The following GTPBP1 variants were observed in gnomAD, a reference collection of about 807,000 sequenced individuals.
The protein encoded by GTPBP1 is GTP-binding protein 1.
Under a neutral mutation model 62.0 loss-of-function variants are expected in GTPBP1, and 23 were observed. That is an observed-to-expected ratio of 0.37 (90% CI 0.27 to 0.53). GTPBP1 has a LOEUF of 0.53. Ranked by LOEUF, GTPBP1 falls within the 20% of genes least tolerant of loss-of-function variation. The pLI, the probability that GTPBP1 is intolerant of heterozygous loss-of-function variation, is 0.89. For synonymous variants in GTPBP1, 344 were observed against 364.4 expected (o/e 0.94, Z 0.64); for missense variants, 640 against 917.3 (o/e 0.70, Z 3.90).
chr22:38,741,239 T>G (rs1457530360), downstream of GTPBP1, among the ~76,000 whole-genome samples: 1 of 150,470 alleles, frequency 6.6e-6, no homozygotes, highest in East Asian at 1.9e-4. Context: ...TCTGACACAC[T>G]GAGGTATCTG....
In GTPBP1 at chr22:38,730,132, T is replaced by A. The variant is rs2092749127; in HGVS notation, c.1917+470T>A. 6.6e-6 allele frequency among the ~76,000 whole-genome samples: 1 copy of A among 152,060 alleles called. No homozygotes were observed. The highest frequency in any genetic ancestry group is 1.5e-5 in the Non-Finnish European group (1 of 67,986). On this transcript the variant is annotated intron_variant, in intron 11 of 11. Coordinates refer to ENST00000216044, the MANE Select transcript of GTPBP1 (RefSeq NM_004286.5). This position sits in a 1 kb window ranked among gnomAD's most constrained non-coding sequence, Gnocchi z 5.6. ...GTGCCAGTGCGCCTCTTACTCGGCATCTCCTGCCAGCTGTCTCCCACAGGC... is the reference window on the plus strand; with the variant it reads ...GTGCCAGTGCGCCTCTTACTCGGCAACTCCTGCCAGCTGTCTCCCACAGGC...
At chr22:38,714,927 G>A (rs1049377154) in intron 2 of GTPBP1, among the ~76,000 whole-genome samples, 2 of 152,082 alleles carry the variant, frequency 1.3e-5, no homozygotes, top group African/African-American at 4.8e-5. Context: ...CTGTTTGGTC[G>A]GTTGGTCCTG....
Position 38,726,463 on chromosome 22 carries a change from G to T in GTPBP1, c.1401+23G>T. 6 of 1,597,872 alleles carry T rather than the reference G, an allele frequency of 3.8e-6. No individual in the cohort carries two copies. The Middle Eastern group carries it at 6.5e-4, about 173-fold the overall frequency. ...AAGGTGAGTAGCGATGATACTGAACGCTCCCCTCAGACTCCATCATGCTAG... is the reference window on the plus strand; with the variant it reads ...AAGGTGAGTAGCGATGATACTGAACTCTCCCCTCAGACTCCATCATGCTAG... On this transcript the variant is annotated intron_variant, in intron 8 of 11. Coordinates refer to ENST00000216044, the MANE Select transcript of GTPBP1 (RefSeq NM_004286.5). This position sits in a 1 kb window ranked among gnomAD's most constrained non-coding sequence, Gnocchi z 4.1.
chr22:38,715,923 G>A lies in GTPBP1; in HGVS notation c.321G>A (p.Gly107=), dbSNP rs749511311. Residue 107 remains glycine, a synonymous_variant, in exon 3 of 12, where the codon GGG becomes GGA. Coordinates refer to ENST00000216044, the MANE Select transcript of GTPBP1 (RefSeq NM_004286.5). ...TGTCACCAGATGGGACTGAGTATGG[G>A]CTGAGTGAAGCTGACATGGAGGCCT... ...IGQGSDGTEY[G]LSEADMEASY... 9 of 1,613,630 alleles carry A rather than the reference G, an allele frequency of 5.6e-6. No homozygotes were observed. The highest frequency in any genetic ancestry group is 7.6e-6 in the Non-Finnish European group (9 of 1,179,770).
At chr22:38,740,663 AAT>A, downstream of GTPBP1, 1 of 572,136 alleles carries the variant, frequency 1.7e-6, no homozygotes, top group South Asian at 2.4e-5. The surrounding 1 kb of genome is among the most constrained non-coding windows in gnomAD (Gnocchi z 4.8). Context: ...CAGAGTCCAG[AAT>A]GTACTCTGCC....
rs562217306 is a variant in GTPBP1, at chr22:38,710,579, C to A, written c.304+1623C>A. Among the ~76,000 whole-genome samples, 3 of 152,058 alleles carry A rather than the reference C, an allele frequency of 2.0e-5. No individual in the cohort carries two copies. The East Asian group carries it at 5.8e-4, about 29-fold the overall frequency. On this transcript the variant is annotated intron_variant, in intron 2 of 11. Transcript: ENST00000216044. ...TCAAGAAAGGGAGAGAGTTGATTAG[C>A]ATTATCAAGTGCTACAGAGGCAGCA...
At chr22:38,739,952 A>T (rs1475516281), downstream of GTPBP1, 2 of 1,608,130 alleles carry the variant, frequency 1.2e-6, no homozygotes, top group African/African-American at 2.7e-5. This position sits in a 1 kb window ranked among gnomAD's most constrained non-coding sequence, Gnocchi z 6.7. Flanking sequence ...ACCTATAGGA[A>T]CCCAAAGGGG....
chr22:38,740,841 C>T, downstream of GTPBP1: 1 of 730,344 alleles, frequency 1.4e-6, no homozygotes, highest in South Asian at 1.7e-5. This position sits in a 1 kb window ranked among gnomAD's most constrained non-coding sequence, Gnocchi z 4.8. Context: ...ACCTCAAAGA[C>T]AGGCCCTGGG....
At chr22:38,718,740 T>A (rs2092684219) in intron 4 of GTPBP1, among the ~76,000 whole-genome samples, 1 of 152,212 alleles carries the variant, frequency 6.6e-6, no homozygotes, top group Non-Finnish European at 1.5e-5. Flanking sequence ...AATTTTCTTC[T>A]GGTTTAGTAT....
intron 6 of GTPBP1, 130 bp downstream of exon 6, chr22:38,724,541 A>G (rs1018284180): frequency 5.1e-5 from 31 of 612,486 alleles, no homozygotes; most frequent in African/African-American, 3.9e-4. Flanking sequence ...ACCTCTCCCT[A>G]TTCAGAGATC....
intron 1 of GTPBP1, among the ~76,000 whole-genome samples, chr22:38,707,080 A>G (rs557542261): frequency 6.6e-6 from 1 of 152,238 alleles, no homozygotes. Flanking sequence ...CCTCATCTTA[A>G]GAAAGTACAG....
Position 38,727,012 on chromosome 22 carries a change from C to G in GTPBP1, c.1402-201C>G, listed in dbSNP as rs561695301. ...TCCCGCATGAAGCCTTCCTGACCCC[C>G]AGTAGTAGTGTTGAGTCTTCCCATG... On this transcript the variant is annotated intron_variant, in intron 8 of 11. Transcript: ENST00000216044. This position sits in a 1 kb window ranked among gnomAD's most constrained non-coding sequence, Gnocchi z 6.5. Among the ~76,000 whole-genome samples the G allele has an allele frequency of 6.6e-6, 1 of 152,264 alleles. No homozygotes were observed. The highest frequency in any genetic ancestry group is 2.4e-5 in the African/African-American group (1 of 41,540).
intron 2 of GTPBP1, among the ~76,000 whole-genome samples, chr22:38,709,373 C>G (rs561000895): frequency 6.6e-6 from 1 of 152,116 alleles, no homozygotes; most frequent in South Asian, 2.1e-4. Context: ...TACAGTGATT[C>G]TTTAGTGTCT....
At position 38,724,290 on chromosome 22, in the gene GTPBP1, CT is replaced by C. The variant is rs763733348; in HGVS notation, c.959-4del. ...CCCCCTAATTCTGTTCCATTGCACC[CT>C]TTAAGAAACCCTGAAGCTGTTACAG... On this transcript the variant is annotated splice_polypyrimidine_tract_variant and splice_region_variant and intron_variant, in intron 5 of 11. Coordinates refer to ENST00000216044, the MANE Select transcript of GTPBP1 (RefSeq NM_004286.5). The C allele has an allele frequency of 1.9e-6, 3 of 1,580,974 alleles. No homozygotes were observed. In the South Asian group the frequency reaches 3.3e-5, roughly 17 times the overall value.
intron 5 of GTPBP1, chr22:38,722,839 G>GGTGGGCA: frequency 6.4e-7 from 1 of 1,552,726 alleles, no homozygotes; most frequent in Non-Finnish European, 8.9e-7. Flanking sequence ...ACTTCTCCAT[G>GGTGGGCA]GGTTTCTACA....
Position 38,721,869 on chromosome 22 carries a change from A to C in GTPBP1, c.958+4A>C. On this transcript the variant is annotated splice_donor_region_variant and intron_variant, in intron 5 of 11. Transcript: ENST00000216044. ...TGTCCTGCCAACATCCTGCAAGGTAAGTGAAGCCTCCAGCTAGCAGCAGCC... is the reference window on the plus strand; with the variant it reads ...TGTCCTGCCAACATCCTGCAAGGTACGTGAAGCCTCCAGCTAGCAGCAGCC... 1 of 1,572,652 alleles carries C rather than the reference A, an allele frequency of 6.4e-7. No homozygotes were observed. The highest frequency in any genetic ancestry group is 8.7e-7 in the Non-Finnish European group (1 of 1,150,216).
chr22:38,729,082 A>C (rs948932965), intron 10 of GTPBP1: 5 of 166,540 alleles, frequency 3.0e-5, no homozygotes, highest in African/African-American at 1.2e-4. Flanking sequence ...GAGATCCCGG[A>C]GCTCCACTTG....
intron 5 of GTPBP1, 111 bp downstream of exon 5, chr22:38,721,976 A>C (rs999240600): frequency 4.1e-5 from 24 of 592,338 alleles, no homozygotes; most frequent in Middle Eastern, 5.0e-4. Context: ...TTTCTTTTTT[A>C]TTTTTATTTT....
At position 38,728,045 on chromosome 22, in the gene GTPBP1, A is replaced by G; in HGVS notation, c.1600A>G (p.Thr534Ala). Residue 534 changes from threonine (T) to alanine (A), a missense_variant, in exon 10 of 12, where the codon ACT (threonine) becomes GCT (alanine). Physicochemically the swap from Thr to Ala is moderately conservative, Grantham distance 58 (BLOSUM62 0). This residue lies in a region of GTPBP1 where 220 missense variants were observed against 358.1 expected (regional missense o/e 0.61). Coordinates refer to ENST00000216044, the MANE Select transcript of GTPBP1 (RefSeq NM_004286.5). ...GAGCATGGACAAGGACTGTCTGCGC[A>G]CTGGGGACAAGGCCACTGTACACTT... is the stretch of plus-strand genomic sequence containing the variant. ...ILSMDKDCLR[T>A]GDKATVHFRF... 1 of 1,613,308 alleles carries G rather than the reference A, an allele frequency of 6.2e-7. No homozygotes were observed. Among genetic ancestry groups the G allele is most frequent in the Non-Finnish European group, 8.5e-7 (1 of 1,179,242 alleles).
Sources: gnomAD v4.1 joint callset for allele counts (sites outside exome capture counted in the v4.1 genomes callset) on GRCh38, gnomAD v4.1.1 for gene constraint, gnomAD v4.1.1 regional missense constraint, Gnocchi (gnomAD v3.1) non-coding constraint, MANE v1.5 for transcripts, NCBI Gene and HGNC (gene_info 2026-07-23, HGNC 2026-07-21) for gene names.